ADARB2: variants seen among roughly 807,000 people sequenced by gnomAD.
ADARB2 encodes the protein adenosine deaminase RNA specific B2 (inactive).
In ADARB2, 25 loss-of-function variants were observed where a neutral mutation model predicts 62.2. The observed-to-expected ratio is 0.40, with a 90% confidence interval of 0.29 to 0.56. ADARB2 has a LOEUF of 0.56. Ranked by LOEUF, ADARB2 falls within the 20% of genes least tolerant of loss-of-function variation. ADARB2 has a pLI of 0.43. For missense variants in ADARB2, 1,071 were observed against 1,077.4 expected, an observed-to-expected ratio of 0.99 and a Z score of 0.08; for synonymous variants, 572 against 500.8, an observed-to-expected ratio of 1.14 and a Z score of -1.90.
chr10:1,627,760 T>C (rs1833789385), intron 1 of ADARB2, among the ~76,000 whole-genome samples: 2 of 152,176 alleles, frequency 1.3e-5, no homozygotes, highest in Middle Eastern at 3.4e-3. Context: ...CCCAGAGTGA[T>C]TTCTTTCCTT....
intron 1 of ADARB2, among the ~76,000 whole-genome samples, chr10:1,450,782 G>A (rs1482776578): frequency 6.6e-6 from 1 of 152,214 alleles, no homozygotes; most frequent in African/African-American, 2.4e-5. Context: ...GGCTGCAGGA[G>A]CATGCCTTGG....
chr10:1,641,667 C>G (rs1453350337), intron 1 of ADARB2, among the ~76,000 whole-genome samples: 4 of 152,194 alleles, frequency 2.6e-5, no homozygotes, highest in Non-Finnish European at 5.9e-5. Flanking sequence ...TGCTAGCGTT[C>G]TGCTTTCCAA....
intron 1 of ADARB2, among the ~76,000 whole-genome samples, chr10:1,696,288 G>A (rs1107762): frequency 0.048 from 7,352 of 151,988 alleles, 321 homozygotes; most frequent in East Asian, 0.18. Context: ...GTATGCACGT[G>A]TGTTGTGCTT....
chr10:1,339,734 C>A (rs1268211963), intron 3 of ADARB2, among the ~76,000 whole-genome samples: 1 of 152,134 alleles, frequency 6.6e-6, no homozygotes, highest in African/African-American at 2.4e-5. Context: ...GCTCTGAAGC[C>A]CCACTGGGAG....
chr10:1,358,543 G>A (rs1197695603), intron 3 of ADARB2, among the ~76,000 whole-genome samples: 4 of 152,130 alleles, frequency 2.6e-5, no homozygotes, highest in Non-Finnish European at 5.9e-5. Context: ...AGGTGCCACC[G>A]CTCCCAGTCT....
At chr10:1,630,419 C>A (rs750468660) in intron 1 of ADARB2, among the ~76,000 whole-genome samples, 6 of 152,122 alleles carry the variant, frequency 3.9e-5, no homozygotes, top group Non-Finnish European at 7.3e-5. Flanking sequence ...AGCCTGTTCT[C>A]AGGGAGGGGG....
chr10:1,652,674 GTCC>G (rs1168433591), intron 1 of ADARB2, among the ~76,000 whole-genome samples: 1 of 152,170 alleles, frequency 6.6e-6, no homozygotes, highest in African/African-American at 2.4e-5. Context: ...GACCTTTTCA[GTCC>G]TCATGAAAAC....
At chr10:1,535,827 C>A (rs1242570690) in intron 1 of ADARB2, among the ~76,000 whole-genome samples, 1 of 152,172 alleles carries the variant, frequency 6.6e-6, no homozygotes, top group Non-Finnish European at 1.5e-5. Flanking sequence ...CCCGACCTCG[C>A]CCCTGTGAGT....
chr10:1,655,911 T>C (rs1388218433), intron 1 of ADARB2, among the ~76,000 whole-genome samples: 1 of 152,242 alleles, frequency 6.6e-6, no homozygotes, highest in African/African-American at 2.4e-5. Context: ...AGCTTATAAA[T>C]TAGTGGGTTT....
intron 1 of ADARB2, among the ~76,000 whole-genome samples, chr10:1,641,355 A>T (rs1227500038): frequency 6.6e-6 from 1 of 152,260 alleles, no homozygotes; most frequent in Non-Finnish European, 1.5e-5. Flanking sequence ...TCATAACTGA[A>T]GTCAGCTGCT....
At chr10:1,673,314 ATGTG>A (rs66687699) in intron 1 of ADARB2, among the ~76,000 whole-genome samples, 6,103 of 149,472 alleles carry the variant, frequency 0.041, 181 homozygotes, top group African/African-American at 0.088. Flanking sequence ...ATTTCATTTT[ATGTG>A]TGTGTGTGTG....
chr10:1,448,686 A>T (rs937028210), intron 1 of ADARB2, among the ~76,000 whole-genome samples: 2 of 152,212 alleles, frequency 1.3e-5, no homozygotes, highest in African/African-American at 4.8e-5. Flanking sequence ...TGGGCCAGAC[A>T]TGTAAGTTTC....
chr10:1,402,954 C>G (rs1832677308), intron 1 of ADARB2, among the ~76,000 whole-genome samples: 2 of 152,266 alleles, frequency 1.3e-5, no homozygotes, highest in African/African-American at 4.8e-5. Context: ...AGATGCCACC[C>G]TCCTCCCTGG....
chr10:1,562,532 C>T (rs1406902540), intron 1 of ADARB2, among the ~76,000 whole-genome samples: 1 of 152,200 alleles, frequency 6.6e-6, no homozygotes, highest in African/African-American at 2.4e-5. Flanking sequence ...GGAACTGGCT[C>T]AGTACATGCC....
At chr10:1,390,188 A>G (rs968018091) in intron 1 of ADARB2, among the ~76,000 whole-genome samples, 29 of 152,382 alleles carry the variant, frequency 1.9e-4, no homozygotes, top group African/African-American at 6.7e-4. Flanking sequence ...CATTATGCTG[A>G]GCAAAAAAGT....
rs376014755 is a variant in ADARB2 at position 1,363,817 on chromosome 10, C to T, written c.288G>A (p.Ala96=). The T allele has an allele frequency of 3.2e-6, 5 of 1,578,712 alleles. No homozygotes were observed. The highest frequency in any genetic ancestry group is 4.3e-6 in the Non-Finnish European group (5 of 1,170,160). The change falls in exon 3 of 10, where the codon GCG becomes GCA. Residue 96 remains alanine, a synonymous_variant. Transcript: ENST00000381312. Reference sequence around the variant, plus strand: ...CCTCCTCCAGCGGCCGCTTCCTCTTCGCGCCGGGCGCGCCGCCCCGGGCCC... The same window carrying T: ...CCTCCTCCAGCGGCCGCTTCCTCTTTGCGCCGGGCGCGCCGCCCCGGGCCC... ...GDRARGGAPG[A]KRKRPLEEGN...
At chr10:1,343,431 A>T (rs1341254599) in intron 3 of ADARB2, among the ~76,000 whole-genome samples, 1 of 152,244 alleles carries the variant, frequency 6.6e-6, no homozygotes, top group Non-Finnish European at 1.5e-5. Flanking sequence ...GTGGGAATGT[A>T]GATTAGCTCG....
At chr10:1,669,969 T>C (rs1221738031) in intron 1 of ADARB2, among the ~76,000 whole-genome samples, 1 of 151,682 alleles carries the variant, frequency 6.6e-6, no homozygotes, top group African/African-American at 2.4e-5. Context: ...CACAGACACA[T>C]GCAGACTTGC....
At chr10:1,606,053 T>C (rs1336293785) in intron 1 of ADARB2, among the ~76,000 whole-genome samples, 1 of 152,242 alleles carries the variant, frequency 6.6e-6, no homozygotes, top group East Asian at 1.9e-4. Flanking sequence ...ATTTACAATA[T>C]GTATATTTCT....
Sources: allele counts gnomAD v4.1 joint callset (sites outside exome capture counted in the v4.1 genomes callset), GRCh38; gene constraint gnomAD v4.1.1; transcripts MANE v1.5; gene names NCBI Gene and HGNC (gene_info 2026-07-23, HGNC 2026-07-21).